The following LARP7 variants were observed in gnomAD, a reference collection of about 807,000 sequenced individuals.
LARP7 encodes la-related protein 7.
A neutral mutation model predicts 69.3 loss-of-function variants in LARP7; 52 were observed. The ratio of observed to expected loss-of-function variants is 0.75; its 90% confidence interval spans 0.60 to 0.95. The LOEUF is 0.95. Ranked by LOEUF, LARP7 falls within the 40% of genes least tolerant of loss-of-function variation. The pLI is 0.00. For missense variants in LARP7, 733 were observed against 673.0 expected (o/e 1.09, Z -0.99); for synonymous variants, 254 against 215.9 (o/e 1.18, Z -1.55).
chr4:112,655,173 G>A (rs917754055), intron 12 of LARP7, among the ~76,000 whole-genome samples: 2 of 152,178 alleles, frequency 1.3e-5, no homozygotes, highest in Admixed American at 6.5e-5. Flanking sequence ...ATTCTTTCAG[G>A]GATATGAGGT....
chr4:112,645,476 A>G, intron 2 of LARP7: 1 of 456,146 alleles, frequency 2.2e-6, no homozygotes, highest in Non-Finnish European at 4.4e-6. Flanking sequence ...TAGTTCATAC[A>G]AGAAGGCATT....
At chr4:112,651,318 G>A (rs1578633633) in intron 10 of LARP7, among the ~76,000 whole-genome samples, 2 of 152,238 alleles carry the variant, frequency 1.3e-5, no homozygotes, top group East Asian at 3.9e-4. Flanking sequence ...GTGGTGGTTT[G>A]TTTATCTGTA....
chr4:112,654,029 T>C lies in LARP7; in HGVS notation c.1577-39T>C, dbSNP rs375599837. Reference sequence around the variant, plus strand: ...CTTGAATATGGTTTTTCAGATATGTTCTTCTTTTCATCCATCAGAGTCTTT... The same window carrying C: ...CTTGAATATGGTTTTTCAGATATGTCCTTCTTTTCATCCATCAGAGTCTTT... On this transcript the variant is annotated intron_variant, in intron 11 of 12. Transcript: ENST00000344442. The C allele has an allele frequency of 6.6e-5, 95 of 1,429,566 alleles. No homozygotes were observed. The African/African-American group carries it at 1.3e-3, about 19-fold the overall frequency. The allele number at this position is 1,429,566 out of a possible 1,614,324, so 88.6% of individuals were successfully genotyped here.
intron 2 of LARP7, chr4:112,645,552 C>T: frequency 2.2e-6 from 1 of 456,130 alleles, no homozygotes; most frequent in Non-Finnish European, 4.4e-6. Context: ...TTTCCCTAGG[C>T]AGGAATGCAC....
chr4:112,645,657 A>G, intron 2 of LARP7: 1 of 453,676 alleles, frequency 2.2e-6, no homozygotes, highest in Non-Finnish European at 4.4e-6. Flanking sequence ...GTAGCTGAGA[A>G]CACAGGCAAG....
At chr4:112,643,772 A>G (rs1022785036) in intron 1 of LARP7, among the ~76,000 whole-genome samples, 1 of 151,970 alleles carries the variant, frequency 6.6e-6, no homozygotes, top group Non-Finnish European at 1.5e-5. Flanking sequence ...GAATCGCTTG[A>G]ACCCAGGAGG....
intron 2 of LARP7, among the ~76,000 whole-genome samples, chr4:112,645,918 C>A (rs2149259961): frequency 6.6e-6 from 1 of 152,224 alleles, no homozygotes; most frequent in East Asian, 1.9e-4. Context: ...GTGTTCAAAT[C>A]TTAATCTGCA....
At position 112,646,441 on chromosome 4, in the gene LARP7, C is replaced by T; in HGVS notation, c.293C>T (p.Ala98Val). Residue 98 changes from alanine to valine, a missense_variant, in exon 3 of 13, where the codon GCT (alanine) becomes GTT (valine). By Grantham distance (64) the Ala-to-Val change is moderately conservative (BLOSUM62 0). Coordinates refer to ENST00000344442, the MANE Select transcript of LARP7 (RefSeq NM_016648.4). Reference protein sequence around the residue: ...KLIARALRSSAVVELDLEGTR... With the variant: ...KLIARALRSSVVVELDLEGTR... ...ATTGCCAGAGCATTGAGAAGTTCAG[C>T]TGTTGTAGAGGTAAGAATCAAGAAT... 6.3e-7 allele frequency: 1 copy of T among 1,589,948 alleles called. No homozygotes were observed. Among genetic ancestry groups the T allele is most frequent in the African/African-American group, 1.3e-5 (1 of 74,444 alleles).
intron 11 of LARP7, 150 bp from the exon 12 acceptor site, chr4:112,653,917 TA>T (rs1262920526): frequency 1.7e-5 from 10 of 604,406 alleles, no homozygotes; most frequent in Admixed American, 3.0e-5. Flanking sequence ...CAAAACTAAC[TA>T]TTTTTTTTCT....
At chr4:112,644,243 A>C in intron 1 of LARP7, 1 of 214,352 alleles carries the variant, frequency 4.7e-6, no homozygotes, top group East Asian at 9.0e-5. Context: ...ACTGTCTCCA[A>C]GAAAAAAAAA....
chr4:112,649,836 G>A, intron 9 of LARP7, 150 bp downstream of exon 9: 2 of 542,808 alleles, frequency 3.7e-6, no homozygotes, highest in South Asian at 7.4e-5. Flanking sequence ...AAGTTATCCA[G>A]ATGTGTTACT....
At chr4:112,655,585 T>A (rs962430226) in intron 12 of LARP7, 5 of 152,222 alleles carry the variant, frequency 3.3e-5, no homozygotes, top group Non-Finnish European at 7.3e-5. Flanking sequence ...TGCTAGTTAA[T>A]TCAGCTAATG....
In LARP7 at chr4:112,647,390, G is replaced by C. The variant is rs1560934176; in HGVS notation, c.838G>C (p.Asp280His). ...GTGCTCAAAGAAAAAGAAAAAACGG[G>C]ACAGAGTTGAAGCATCTAGCTTACC... is the stretch of plus-strand genomic sequence containing the variant. ...KQCSKKKKKRDRVEASSLPEV... is the reference protein window; with the variant it reads ...KQCSKKKKKRHRVEASSLPEV... The change falls in exon 7 of 13, where the codon GAC (aspartate) becomes CAC (histidine). Residue 280 changes from aspartate (D) to histidine (H), a missense_variant. Asp to His is a moderately conservative substitution (Grantham distance 81). Coordinates refer to ENST00000344442, the MANE Select transcript of LARP7 (RefSeq NM_016648.4). 6.2e-7 allele frequency: 1 copy of C among 1,614,020 alleles called. No individual in the cohort carries two copies. The highest frequency in any genetic ancestry group is 1.7e-5 in the Admixed American group (1 of 60,016).
At position 112,647,311 on chromosome 4, in the gene LARP7, ATCC is replaced by A; in HGVS notation, c.760_762del (p.Ser254del). ...ACACCAGCATCAGTAAAATGAAAAG[ATCC>A]AGACCCACATCTGAGGGCTCTGACA... On this transcript the variant is annotated inframe_deletion, in exon 7 of 13. Coordinates refer to ENST00000344442, the MANE Select transcript of LARP7 (RefSeq NM_016648.4). 6.2e-7 allele frequency: 1 copy of A among 1,614,100 alleles called. No homozygotes were observed. The highest frequency in any genetic ancestry group is 8.5e-7 in the Non-Finnish European group (1 of 1,180,024).
chr4:112,649,458 T>C, intron 8 of LARP7, 77 bp from the exon 9 acceptor site: 1 of 1,212,904 alleles, frequency 8.2e-7, no homozygotes, highest in Non-Finnish European at 1.1e-6. Flanking sequence ...CAAGTCATTG[T>C]GAATGTATAT....
At chr4:112,643,855 AAAGAG>A (rs920815505) in intron 1 of LARP7, among the ~76,000 whole-genome samples, 3 of 151,858 alleles carry the variant, frequency 2.0e-5, no homozygotes, top group Non-Finnish European at 2.9e-5. Context: ...GCCTCAAAGA[AAAGAG>A]AAGAGAAGAA....
chr4:112,647,238 A>G lies in LARP7; in HGVS notation c.686A>G (p.Lys229Arg), dbSNP rs1263838315. 1.9e-6 allele frequency: 3 copies of G among 1,598,860 alleles called. No homozygotes were observed. Among genetic ancestry groups the G allele is most frequent in the Admixed American group, 1.8e-5 (1 of 55,306 alleles). Reference protein sequence around the residue: ...KKKKKKKGRMKKEDNIQAKEE... With the variant: ...KKKKKKKGRMRKEDNIQAKEE... ...AAAAAGAAGAAGAAAGGCCGAATGA[A>G]AAAGGAAGACAATATCCAAGCCAAA... Residue 229 changes from lysine to arginine, a missense_variant, in exon 7 of 13, where the codon AAA becomes AGA. Lys to Arg is a conservative substitution (Grantham distance 26, BLOSUM62 2). Coordinates refer to ENST00000344442, the MANE Select transcript of LARP7 (RefSeq NM_016648.4).
rs978663765 is a variant in LARP7 at position 112,646,060 on chromosome 4, A to C, written c.203-291A>C. Among the ~76,000 whole-genome samples, 109 of 151,754 alleles carry C rather than the reference A, an allele frequency of 7.2e-4. 1 individual carries two copies. The highest frequency in any genetic ancestry group is 2.6e-3 in the African/African-American group (106 of 41,270). On this transcript the variant is annotated intron_variant, in intron 2 of 12. Transcript: ENST00000344442. Reference sequence around the variant, plus strand: ...GCTGGAGTGATCTCAGCTCACTGCAACCTCTGCCTCCTGGGTTCAAGCGAT... The same window carrying C: ...GCTGGAGTGATCTCAGCTCACTGCACCCTCTGCCTCCTGGGTTCAAGCGAT...
chr4:112,647,193 T>C lies in LARP7; in HGVS notation c.647-6T>C. The C allele has an allele frequency of 6.3e-7, 1 of 1,589,478 alleles. No homozygotes were observed. Among genetic ancestry groups the C allele is most frequent in the Non-Finnish European group, 8.5e-7 (1 of 1,173,514 alleles). ...AGATGAACTAATAATGATGGCACTT[T>C]TACAGAAGAGAAGAAAAAGAAAAAG... On this transcript the variant is annotated splice_polypyrimidine_tract_variant and splice_region_variant and intron_variant, in intron 6 of 12. Coordinates refer to ENST00000344442, the MANE Select transcript of LARP7 (RefSeq NM_016648.4).
Sources: allele counts gnomAD v4.1 joint callset (sites outside exome capture counted in the v4.1 genomes callset), GRCh38; gene constraint gnomAD v4.1.1; transcripts MANE v1.5; gene names NCBI Gene and HGNC (gene_info 2026-07-23, HGNC 2026-07-21).